The following PPM1L variants were observed in gnomAD, a reference collection of about 807,000 sequenced individuals.
PPM1L encodes protein phosphatase 1L.
A neutral mutation model predicts 31.4 loss-of-function variants in PPM1L; 13 were observed. The ratio of observed to expected loss-of-function variants is 0.41; its 90% CI spans 0.27 to 0.66. The LOEUF (loss-of-function observed/expected upper bound fraction) is 0.66. PPM1L is among the 30% of genes least tolerant of loss of function. The pLI, the probability that PPM1L is intolerant of heterozygous loss-of-function variation, is 0.29. For synonymous variants in PPM1L, 184 were observed against 175.4 expected (o/e 1.05, Z -0.39); for missense variants, 326 against 453.7 (o/e 0.72, Z 2.56).
At chr3:160,791,863 G>A (rs1712116579) in intron 1 of PPM1L, among the ~76,000 whole-genome samples, 1 of 152,120 alleles carries the variant, frequency 6.6e-6, no homozygotes, top group Non-Finnish European at 1.5e-5. Context: ...CTAGGCAGAG[G>A]GACGCTACTG....
At chr3:160,783,144 A>G (rs367682043) in intron 1 of PPM1L, among the ~76,000 whole-genome samples, 1 of 152,356 alleles carries the variant, frequency 6.6e-6, no homozygotes, top group African/African-American at 2.4e-5. Context: ...AGCGGCTTTT[A>G]TAGAAAGGCT....
chr3:161,003,119 T>TC (rs1236672369), intron 2 of PPM1L, among the ~76,000 whole-genome samples: 1 of 151,812 alleles, frequency 6.6e-6, no homozygotes, highest in African/African-American at 2.4e-5. Flanking sequence ...TGCTTGTTTT[T>TC]CTCAGGTTTG....
intron 2 of PPM1L, among the ~76,000 whole-genome samples, chr3:161,029,488 T>G (rs975951397): frequency 2.6e-5 from 4 of 152,206 alleles, no homozygotes; most frequent in African/African-American, 9.7e-5. Context: ...AAACCACTTT[T>G]AAACTTTGAG....
chr3:160,915,857 T>C (rs1179472833), intron 1 of PPM1L, among the ~76,000 whole-genome samples: 6 of 152,324 alleles, frequency 3.9e-5, no homozygotes, highest in Non-Finnish European at 7.4e-5. Context: ...GCTAGCCATA[T>C]GTAGAAAGCT....
intron 1 of PPM1L, 92 bp from the exon 2 acceptor site, chr3:160,961,644 T>A: frequency 8.7e-7 from 1 of 1,155,958 alleles, no homozygotes; most frequent in Middle Eastern, 2.1e-4. Flanking sequence ...TCACAGTGCT[T>A]TGAGCTTTCT....
At chr3:160,929,288 C>G (rs1475589525) in intron 1 of PPM1L, among the ~76,000 whole-genome samples, 2 of 152,116 alleles carry the variant, frequency 1.3e-5, no homozygotes, top group Admixed American at 6.5e-5. Flanking sequence ...ATTACAATGA[C>G]TTTTAGTTGG....
chr3:160,895,021 A>T (rs1713287212), intron 1 of PPM1L, among the ~76,000 whole-genome samples: 1 of 152,138 alleles, frequency 6.6e-6, no homozygotes, highest in African/African-American at 2.4e-5. Flanking sequence ...TGGATTTTTC[A>T]TAGCTTGTAT....
At chr3:160,936,263 T>C (rs1394347012) in intron 1 of PPM1L, among the ~76,000 whole-genome samples, 2 of 152,104 alleles carry the variant, frequency 1.3e-5, no homozygotes, top group African/African-American at 2.4e-5. Flanking sequence ...CTAATATTTT[T>C]TGTATTTTTA....
chr3:161,018,905 T>C (rs1269195372), intron 2 of PPM1L, among the ~76,000 whole-genome samples: 1 of 152,154 alleles, frequency 6.6e-6, no homozygotes, highest in Non-Finnish European at 1.5e-5. Context: ...AATTCACTAT[T>C]TGACATTATA....
chr3:160,787,630 T>C (rs922593611), intron 1 of PPM1L, among the ~76,000 whole-genome samples: 6 of 152,214 alleles, frequency 3.9e-5, no homozygotes, highest in Non-Finnish European at 5.9e-5. Flanking sequence ...AATTTTTGTT[T>C]TGTTGCAATT....
chr3:160,982,370 C>T (rs1411680085), intron 2 of PPM1L, among the ~76,000 whole-genome samples: 1 of 152,114 alleles, frequency 6.6e-6, no homozygotes, highest in East Asian at 1.9e-4. Flanking sequence ...ATCCTAAATG[C>T]TTCAAGATTA....
intron 1 of PPM1L, among the ~76,000 whole-genome samples, chr3:160,865,520 A>G (rs551699822): frequency 3.9e-5 from 6 of 152,318 alleles, no homozygotes; most frequent in Admixed American, 1.3e-4. Flanking sequence ...TCACACCTGT[A>G]ATCCCAGCAA....
intron 1 of PPM1L, among the ~76,000 whole-genome samples, chr3:160,792,386 A>T (rs1712131706): frequency 2.0e-5 from 3 of 152,186 alleles, no homozygotes; most frequent in South Asian, 4.1e-4. Context: ...TAGAATTCAG[A>T]TAAAGGTGTA....
chr3:160,930,108 T>C (rs1714734457), intron 1 of PPM1L, among the ~76,000 whole-genome samples: 1 of 152,192 alleles, frequency 6.6e-6, no homozygotes, highest in Middle Eastern at 3.2e-3. Context: ...CTTTTGACTC[T>C]TTCATTTTGA....
chr3:160,951,041 C>G (rs1715561887), intron 1 of PPM1L, among the ~76,000 whole-genome samples: 1 of 152,172 alleles, frequency 6.6e-6, no homozygotes, highest in African/African-American at 2.4e-5. Flanking sequence ...CATTTTTCTT[C>G]TATGGATCTC....
At chr3:160,984,607 G>A (rs1413731200) in intron 2 of PPM1L, among the ~76,000 whole-genome samples, 1 of 152,126 alleles carries the variant, frequency 6.6e-6, no homozygotes, top group Non-Finnish European at 1.5e-5. Flanking sequence ...ATTGATAAAT[G>A]TCCATGAAAT....
chr3:161,009,399 T>A (rs759460443), intron 2 of PPM1L, among the ~76,000 whole-genome samples: 15 of 152,204 alleles, frequency 9.9e-5, no homozygotes, highest in Non-Finnish European at 1.9e-4. Flanking sequence ...AGAAGTTTTT[T>A]AAAAAATATG....
chr3:160,993,075 G>T (rs866704270), intron 2 of PPM1L, among the ~76,000 whole-genome samples: 1 of 145,258 alleles, frequency 6.9e-6, no homozygotes, highest in Admixed American at 6.9e-5. Flanking sequence ...TTACAACAAG[G>T]TTTTTTTTTT....
At chr3:160,837,408 A>G (rs1242042899) in intron 1 of PPM1L, among the ~76,000 whole-genome samples, 2 of 152,240 alleles carry the variant, frequency 1.3e-5, no homozygotes, top group African/African-American at 4.8e-5. Flanking sequence ...AGACAGATAA[A>G]TGAATTTCCT....
Sources: gnomAD v4.1 joint callset for allele counts (sites outside exome capture counted in the v4.1 genomes callset) on GRCh38, gnomAD v4.1.1 for gene constraint, MANE v1.5 for transcripts, NCBI Gene and HGNC (gene_info 2026-07-23, HGNC 2026-07-21) for gene names.